Variants in SGK3 observed in about 807,000 individuals in gnomAD.
SGK3 encodes serum/glucocorticoid regulated kinase family member 3.
SGK3 carries 47 observed loss-of-function variants against 68.5 expected under a neutral mutation model. That is an observed-to-expected ratio of 0.69 (90% CI 0.54 to 0.87). The LOEUF is 0.87. Ranked by LOEUF, SGK3 falls within the 40% of genes least tolerant of loss-of-function variation. The pLI is 0.00. For synonymous variants in SGK3, 181 were observed against 189.1 expected (o/e 0.96, Z 0.35); for missense variants, 479 against 575.5 (o/e 0.83, Z 1.72).
At chr8:66,823,643 G>A (rs1236680221) in intron 6 of SGK3, among the ~76,000 whole-genome samples, 2 of 152,004 alleles carry the variant, frequency 1.3e-5, no homozygotes, top group Non-Finnish European at 2.9e-5. Flanking sequence ...TGATCCTCCT[G>A]CCTCGGCCTC....
At chr8:66,851,572 A>G (rs1311610979) in intron 16 of SGK3, among the ~76,000 whole-genome samples, 2 of 152,220 alleles carry the variant, frequency 1.3e-5, no homozygotes, top group East Asian at 1.9e-4. Context: ...TATTAATAAA[A>G]TCATATTAAT....
In SGK3 at chr8:66,833,837, G is replaced by A. The variant is rs1208939795; in HGVS notation, c.526-1926G>A. On this transcript the variant is annotated intron_variant, in intron 8 of 16. Transcript: ENST00000521198. ...CTCCCCAGTAGTTGGGATTACAGGC[G>A]TGTGCCACCACGCCCTGCTAATTTT... 4.6e-5 allele frequency among the ~76,000 whole-genome samples: 7 copies of A among 152,136 alleles called. No individual in the cohort carries two copies. In the East Asian group the frequency reaches 5.8e-4, roughly 13 times the overall value.
chr8:66,849,775 C>T (rs1275675580), intron 15 of SGK3, among the ~76,000 whole-genome samples: 1 of 151,810 alleles, frequency 6.6e-6, no homozygotes, highest in African/African-American at 2.4e-5. Flanking sequence ...ATGGGAGTCT[C>T]ATCATATTGC....
intron 1 of SGK3, among the ~76,000 whole-genome samples, chr8:66,783,093 CAG>C (rs1489181154): frequency 6.6e-6 from 1 of 152,232 alleles, no homozygotes. Flanking sequence ...TTCCTACCAA[CAG>C]AGAATGAGAG....
chr8:66,769,346 C>T (rs1806427763), intron 1 of SGK3, among the ~76,000 whole-genome samples: 1 of 152,166 alleles, frequency 6.6e-6, no homozygotes. Context: ...GCCTCAGACT[C>T]CCAAGTAGCT....
intron 1 of SGK3, among the ~76,000 whole-genome samples, chr8:66,713,528 C>CT (rs1399952298): frequency 6.6e-6 from 1 of 152,228 alleles, no homozygotes; most frequent in Non-Finnish European, 1.5e-5. Flanking sequence ...TTAGTGTGCA[C>CT]TTGGGTGCAA....
intron 1 of SGK3, among the ~76,000 whole-genome samples, chr8:66,754,863 A>C (rs567062829): frequency 6.6e-6 from 1 of 152,268 alleles, no homozygotes; most frequent in African/African-American, 2.4e-5. Flanking sequence ...AACACTTAAC[A>C]GTTACCAATA....
intron 1 of SGK3, among the ~76,000 whole-genome samples, chr8:66,717,398 G>A (rs372667815): frequency 2.2e-4 from 33 of 152,032 alleles, no homozygotes; most frequent in African/African-American, 7.5e-4. Context: ...GGATGGTGGC[G>A]CATGCCTGTA....
intron 5 of SGK3, among the ~76,000 whole-genome samples, chr8:66,821,109 C>T (rs75594108): frequency 0.02 from 3,113 of 152,018 alleles, 112 homozygotes; most frequent in African/African-American, 0.07. Context: ...GAGAGGGTGC[C>T]GGGTATGGAG....
At position 66,720,297 on chromosome 8, in the gene SGK3, T is replaced by A. The variant is rs1001006843; in HGVS notation, c.-122+7464T>A. Among the ~76,000 whole-genome samples the A allele has an allele frequency of 8.5e-5, 13 of 152,318 alleles. No individual in the cohort carries two copies. In the East Asian group the frequency reaches 2.5e-3, roughly 29 times the overall value. On this transcript the variant is annotated intron_variant, in intron 1 of 16. Transcript: ENST00000521198. ...ATCACTAAAGGAGAAGCAGAAATAA[T>A]TGACTTGAACCAAGGAAAAAGTGGC...
rs538351516 is a variant in SGK3, at chr8:66,835,988, A to T, written c.655A>T (p.Lys219Ter). 2 of 1,613,798 alleles carry T rather than the reference A, an allele frequency of 1.2e-6. No homozygotes were observed. The highest frequency in any genetic ancestry group is 1.7e-6 in the Non-Finnish European group (2 of 1,179,884). ...ACGTAATGTGCTCTTGAAAAATGTG[A>T]AACATCCGTTTTTGGTTGGATTGCA... ...AERNVLLKNV[K>*]HPFLVGLHYS... Residue 219 changes from lysine (K) to a stop codon, truncating the protein, a stop_gained, in exon 10 of 17, where the codon AAA becomes TAA. Transcript: ENST00000521198. LOFTEE classifies it high-confidence loss of function.
At chr8:66,839,976 C>T (rs535851534) in intron 10 of SGK3, 27 bp from the exon 11 acceptor site, 1 of 1,593,570 alleles carries the variant, frequency 6.3e-7, no homozygotes, top group African/African-American at 1.3e-5. Flanking sequence ...ATTCTCTCTC[C>T]CCCCACCCCC....
intron 1 of SGK3, among the ~76,000 whole-genome samples, chr8:66,756,167 G>A (rs1805967114): frequency 6.6e-6 from 1 of 152,138 alleles, no homozygotes; most frequent in Non-Finnish European, 1.5e-5. Flanking sequence ...TGAGGACACA[G>A]GGAGAAGGCA....
At chr8:66,825,035 G>A (rs1808995693) in intron 6 of SGK3, among the ~76,000 whole-genome samples, 1 of 152,096 alleles carries the variant, frequency 6.6e-6, no homozygotes, top group African/African-American at 2.4e-5. Flanking sequence ...GATTTTCCAT[G>A]TTTTGCTTGC....
intron 5 of SGK3, among the ~76,000 whole-genome samples, chr8:66,815,738 C>G (rs893385753): frequency 6.6e-6 from 1 of 152,072 alleles, no homozygotes; most frequent in African/African-American, 2.4e-5. Context: ...CTCAGAACCC[C>G]TAACACTATA....
intron 1 of SGK3, among the ~76,000 whole-genome samples, chr8:66,775,832 G>T (rs1806686128): frequency 6.6e-6 from 1 of 152,140 alleles, no homozygotes; most frequent in Admixed American, 6.5e-5. Flanking sequence ...TGGAGATGAA[G>T]CACGCAGACT....
intron 1 of SGK3, among the ~76,000 whole-genome samples, chr8:66,772,975 A>G (rs1281022021): frequency 1.3e-5 from 2 of 152,214 alleles, no homozygotes; most frequent in African/African-American, 4.8e-5. Flanking sequence ...CTACATGGTA[A>G]CGTGAGTGGT....
At chr8:66,759,350 G>T (rs1472897494) in intron 1 of SGK3, among the ~76,000 whole-genome samples, 1 of 151,906 alleles carries the variant, frequency 6.6e-6, no homozygotes, top group East Asian at 1.9e-4. Flanking sequence ...CTCCCAAAGT[G>T]CTGGGATTAC....
chr8:66,852,122 A>C (rs770627121), intron 16 of SGK3, among the ~76,000 whole-genome samples: 10 of 152,134 alleles, frequency 6.6e-5, no homozygotes, highest in Non-Finnish European at 1.0e-4. Context: ...AAAACATGGT[A>C]ATTACAATTT....
Sources: gnomAD v4.1 joint callset for allele counts (sites outside exome capture counted in the v4.1 genomes callset) on GRCh38, gnomAD v4.1.1 for gene constraint, MANE v1.5 for transcripts, NCBI Gene and HGNC (gene_info 2026-07-23, HGNC 2026-07-21) for gene names.